FAM222B: variants seen among roughly 807,000 people sequenced by gnomAD.
FAM222B encodes the protein family with sequence similarity 222 member B.
FAM222B carries 12 observed loss-of-function variants against 38.0 expected under a neutral mutation model. The observed-to-expected ratio is 0.32, with a 90% confidence interval of 0.20 to 0.51. The LOEUF is 0.51. Among genes scored for constraint, FAM222B ranks in the 20% least tolerant of loss-of-function variants. The probability of loss-of-function intolerance (pLI) is 0.97; values close to 1 mark genes in which losing one functional copy is unlikely to be tolerated. For synonymous variants in FAM222B, 329 were observed against 317.2 expected (o/e 1.04, Z -0.40); for missense variants, 716 against 754.2 (o/e 0.95, Z 0.59).
At chr17:28,780,374 A>G (rs560076609) in intron 1 of FAM222B, among the ~76,000 whole-genome samples, 16 of 152,306 alleles carry the variant, frequency 1.1e-4, no homozygotes, top group African/African-American at 3.8e-4. Flanking sequence ...GAAAACGCTA[A>G]AGACTCCAAA....
At chr17:28,797,586 G>T (rs1202232317) in intron 1 of FAM222B, among the ~76,000 whole-genome samples, 1 of 152,106 alleles carries the variant, frequency 6.6e-6, no homozygotes, top group African/African-American at 2.4e-5. Context: ...TCAACTTTTA[G>T]AGTCTATGAT....
At chr17:28,845,191 G>A (rs2039136636), upstream of FAM222B, among the ~76,000 whole-genome samples, 1 of 151,814 alleles carries the variant, frequency 6.6e-6, no homozygotes, top group African/African-American at 2.4e-5. Context: ...CACGAGGTCA[G>A]GAAATCGAGA....
At chr17:28,818,657 C>T (rs1171740903) in intron 1 of FAM222B, among the ~76,000 whole-genome samples, 1 of 152,078 alleles carries the variant, frequency 6.6e-6, no homozygotes, top group East Asian at 1.9e-4. Flanking sequence ...AAGGGAAACA[C>T]TTGTATGGTA....
chr17:28,771,396 C>T lies in FAM222B; in HGVS notation c.-40-4689G>A, dbSNP rs562151206. On this transcript the variant is annotated intron_variant, in intron 1 of 2. Coordinates refer to ENST00000581407, the MANE Select transcript of FAM222B (RefSeq NM_001077498.3). ...TTTTGCAACATATATAAAATAACAACACTGGCTGGGCGTGGTGGCTCAAGC... is the reference window on the plus strand; with the variant it reads ...TTTTGCAACATATATAAAATAACAATACTGGCTGGGCGTGGTGGCTCAAGC... Among the ~76,000 whole-genome samples the T allele has an allele frequency of 3.9e-5, 6 of 152,238 alleles. No individual in the cohort carries two copies. The South Asian group carries it at 1.2e-3, about 32-fold the overall frequency.
intron 1 of FAM222B, among the ~76,000 whole-genome samples, chr17:28,800,248 C>T (rs1310241129): frequency 3.3e-5 from 5 of 151,950 alleles, no homozygotes; most frequent in Admixed American, 3.3e-4. Context: ...AGGCTGGTCT[C>T]GAACTCCCGA....
intron 1 of FAM222B, among the ~76,000 whole-genome samples, chr17:28,783,171 C>T (rs1236652375): frequency 6.6e-6 from 1 of 151,066 alleles, no homozygotes; most frequent in African/African-American, 2.4e-5. Context: ...CATTCCTAGA[C>T]TGTCTAGTTT....
intron 1 of FAM222B, among the ~76,000 whole-genome samples, chr17:28,801,582 G>T (rs898089415): frequency 2.0e-5 from 3 of 151,942 alleles, no homozygotes; most frequent in Non-Finnish European, 4.4e-5. Flanking sequence ...GGTGGCTCAC[G>T]CCTGTAATCC....
At chr17:28,843,156 G>C (rs1291315534), upstream of FAM222B, among the ~76,000 whole-genome samples, 1 of 140,424 alleles carries the variant, frequency 7.1e-6, no homozygotes. Flanking sequence ...TTTTTTTTCT[G>C]AGTCGAAGTT....
In FAM222B at chr17:28,759,607, C is replaced by T. The variant is rs778797341; in HGVS notation, c.352G>A (p.Gly118Ser). 214 of 1,612,454 alleles carry T rather than the reference C, an allele frequency of 1.3e-4. 11 individuals carry two copies. Among genetic ancestry groups the T allele is most frequent in the Non-Finnish European group, 8.1e-5 (95 of 1,179,372 alleles). The change falls in exon 3 of 3, where the codon GGC becomes AGC. Residue 118 changes from glycine (G) to serine (S), a missense_variant. Physicochemically the swap from Gly to Ser is moderately conservative, Grantham distance 56. Coordinates refer to ENST00000581407, the MANE Select transcript of FAM222B (RefSeq NM_001077498.3). This position sits in a 1 kb window ranked among gnomAD's most constrained non-coding sequence, Gnocchi z 4.8. ...TCAGGGAGCAACCGGGCTCGGGTGCCGTCAAAGTCCTTGAGTATGCTTTTG... is the reference window on the plus strand; with the variant it reads ...TCAGGGAGCAACCGGGCTCGGGTGCTGTCAAAGTCCTTGAGTATGCTTTTG... ...PAKSILKDFD[G>S]TRARLLPEAI...
intron 1 of FAM222B, among the ~76,000 whole-genome samples, chr17:28,822,842 T>C (rs2038303926): frequency 1.2e-5 from 1 of 84,092 alleles, no homozygotes; most frequent in Non-Finnish European, 2.1e-5. Flanking sequence ...AATATATATA[T>C]ATATATATAT....
intron 1 of FAM222B, among the ~76,000 whole-genome samples, chr17:28,811,338 G>C (rs1472121368): frequency 6.6e-6 from 1 of 152,128 alleles, no homozygotes. Context: ...TACTCAGGAG[G>C]CTAAGACAGG....
chr17:28,789,911 G>C (rs1279384195), intron 1 of FAM222B, among the ~76,000 whole-genome samples: 2 of 152,170 alleles, frequency 1.3e-5, no homozygotes, highest in Non-Finnish European at 2.9e-5. Context: ...AGAAGACATT[G>C]AGTGGGTACA....
At chr17:28,778,695 G>GTA (rs1567818736) in intron 1 of FAM222B, among the ~76,000 whole-genome samples, 78 of 88,128 alleles carry the variant, frequency 8.9e-4, no homozygotes, top group African/African-American at 3.3e-3. Context: ...GTGTGTGTGT[G>GTA]TGTATATATA....
chr17:28,832,969 G>A (rs532732977), intron 1 of FAM222B, among the ~76,000 whole-genome samples: 1 of 135,608 alleles, frequency 7.4e-6, no homozygotes, highest in South Asian at 2.6e-4. Flanking sequence ...CCAGGATTTT[G>A]AGACCACCCT....
At chr17:28,761,412 G>A (rs1772406504) in intron 2 of FAM222B, among the ~76,000 whole-genome samples, 1 of 152,220 alleles carries the variant, frequency 6.6e-6, no homozygotes, top group Non-Finnish European at 1.5e-5. Flanking sequence ...CCCAGGCTCA[G>A]CTAGCCGACT....
chr17:28,766,502 A>AC, intron 2 of FAM222B, 84 bp downstream of exon 2: 1 of 1,088,284 alleles, frequency 9.2e-7, no homozygotes, highest in South Asian at 1.4e-5. Flanking sequence ...AGGTCAGTGT[A>AC]CCCCAGATGT....
chr17:28,796,750 C>T (rs1440591983), intron 1 of FAM222B, among the ~76,000 whole-genome samples: 1 of 151,920 alleles, frequency 6.6e-6, no homozygotes, highest in Non-Finnish European at 1.5e-5. Flanking sequence ...AGAAAGTGGA[C>T]CCAACACCTT....
intron 1 of FAM222B, among the ~76,000 whole-genome samples, chr17:28,815,682 C>T (rs568652615): frequency 1.3e-5 from 2 of 151,948 alleles, no homozygotes; most frequent in South Asian, 4.2e-4. Flanking sequence ...CAAAAATTAG[C>T]AGCCAGGTGT....
chr17:28,837,429 C>CA (rs1169742422), intron 1 of FAM222B, among the ~76,000 whole-genome samples: 209 of 108,522 alleles, frequency 1.9e-3, no homozygotes, highest in Middle Eastern at 5.1e-3. Context: ...GACTCCGTCT[C>CA]AAAAAAAAAA....
Sources: gnomAD v4.1 joint callset for allele counts (sites outside exome capture counted in the v4.1 genomes callset) on GRCh38, gnomAD v4.1.1 for gene constraint, Gnocchi (gnomAD v3.1) non-coding constraint, MANE v1.5 for transcripts, NCBI Gene and HGNC (gene_info 2026-07-23, HGNC 2026-07-21) for gene names.